The following PKHD1L1 variants were observed in gnomAD, a reference collection of about 807,000 sequenced individuals.
The protein encoded by PKHD1L1 is fibrocystin-L.
PKHD1L1 carries 434 observed loss-of-function variants against 462.9 expected under a neutral mutation model. That is an observed-to-expected ratio of 0.94 (90% CI 0.87 to 1.02). The LOEUF (loss-of-function observed/expected upper bound fraction) is 1.02. Ranked by LOEUF, PKHD1L1 falls within the 50% of genes least tolerant of loss-of-function variation. PKHD1L1 has a pLI of 0.00. For synonymous variants in PKHD1L1, 1,781 were observed against 1,750.0 expected (o/e 1.02, Z -0.44); for missense variants, 5,202 against 5,096.1 (o/e 1.02, Z -0.63).
intron 9 of PKHD1L1, among the ~76,000 whole-genome samples, chr8:109,394,163 ACT>A (rs1302587755): frequency 2.5e-5 from 3 of 120,530 alleles, no homozygotes; most frequent in African/African-American, 3.6e-5. Context: ...ACAGAGCGAG[ACT>A]CTGTCAAAAA....
At chr8:109,370,758 GT>G (rs1811463311) in intron 2 of PKHD1L1, among the ~76,000 whole-genome samples, 1 of 152,122 alleles carries the variant, frequency 6.6e-6, no homozygotes, top group Non-Finnish European at 1.5e-5. Flanking sequence ...AACATGTGGT[GT>G]TTGGTTTTTT....
Position 109,522,790 on chromosome 8 carries a change from T to C in PKHD1L1, c.12230T>C (p.Val4077Ala), listed in dbSNP as rs772790519. The part of the protein sequence containing the change: ...VERSAFPVHH[V>A]AFVSSLLVIT... ...AGGTCTGCATTTCCTGTTCATCACG[T>C]GGCCTTCGTGTCCTCACTCTTAGTG... Residue 4077 changes from valine to alanine, a missense_variant, in exon 75 of 78, where the codon GTG (valine) becomes GCG (alanine). Physicochemically the swap from Val to Ala is moderately conservative, Grantham distance 64. This residue lies in a region of PKHD1L1 where 698 missense variants were observed against 736.3 expected (regional missense o/e 0.95). Coordinates refer to ENST00000378402, the MANE Select transcript of PKHD1L1 (RefSeq NM_177531.6). The C allele has an allele frequency of 1.9e-6, 3 of 1,612,310 alleles. No individual in the cohort carries two copies.
rs1812174819 is a variant in PKHD1L1 at position 109,382,474 on chromosome 8, A to G, written c.320A>G (p.Glu107Gly). 1.2e-6 allele frequency: 2 copies of G among 1,605,214 alleles called. No homozygotes were observed. Among genetic ancestry groups the G allele is most frequent in the African/African-American group, 1.3e-5 (1 of 74,390 alleles). ...CATTTTCTTTATAGAGCAATGCCGG[A>G]AGATTCCTACACTGTTAGAGTCAGT... is the stretch of plus-strand genomic sequence containing the variant. ...QITCYTRAMPEDSYTVRVSVD... is the reference protein window; with the variant it reads ...QITCYTRAMPGDSYTVRVSVD... The change falls in exon 4 of 78, where the codon GAA becomes GGA. Residue 107 changes from glutamate (E) to glycine (G), a missense_variant. Physicochemically the swap from Glu to Gly is moderately conservative, Grantham distance 98. Around this residue, in one of 3 missense-constraint regions of PKHD1L1, gnomAD observed 4,497 missense variants for 4,336.8 expected, o/e 1.04. Transcript: ENST00000378402.
At chr8:109,499,892 A>G (rs867464330) in intron 67 of PKHD1L1, among the ~76,000 whole-genome samples, 4 of 152,144 alleles carry the variant, frequency 2.6e-5, no homozygotes, top group African/African-American at 7.2e-5. Context: ...ATTGCCACGG[A>G]GTTGATCCCA....
rs1357281506 is a variant in PKHD1L1, at chr8:109,526,780, C to A, written c.12485-4C>A. ...TCAAACACTATGATGCTTTTTTTTT[C>A]CAGGAAAAAATTATAAGATTGAATT... On this transcript the variant is annotated splice_region_variant and splice_polypyrimidine_tract_variant and intron_variant, in intron 76 of 77. Transcript: ENST00000378402. 6.6e-7 allele frequency: 1 copy of A among 1,521,884 alleles called. No individual in the cohort carries two copies. The highest frequency in any genetic ancestry group is 2.3e-5 in the Admixed American group (1 of 44,400). The allele number at this position is 1,521,884 out of a possible 1,614,324, so 94.3% of individuals were successfully genotyped here.
chr8:109,452,373 C>T, intron 42 of PKHD1L1, 93 bp downstream of exon 42: 1 of 1,180,302 alleles, frequency 8.5e-7, no homozygotes, highest in Non-Finnish European at 1.1e-6. Flanking sequence ...ACTTTAATGT[C>T]TCCAAAAAAA....
At chr8:109,444,560 C>A in intron 37 of PKHD1L1, 101 bp from the exon 38 acceptor site, 1 of 1,083,810 alleles carries the variant, frequency 9.2e-7, no homozygotes, top group Non-Finnish European at 1.3e-6. Flanking sequence ...TTTATTTGCA[C>A]ATGATTAACT....
chr8:109,410,729 T>C (rs1405280126), intron 19 of PKHD1L1, among the ~76,000 whole-genome samples: 2 of 58,912 alleles, frequency 3.4e-5, no homozygotes, highest in Non-Finnish European at 3.5e-5. Context: ...TCTTTTTCTT[T>C]TTTTTTTTTT....
chr8:109,404,771 A>G, intron 15 of PKHD1L1, 58 bp downstream of exon 15: 8 of 1,449,156 alleles, frequency 5.5e-6, no homozygotes, highest in Middle Eastern at 1.8e-4. Flanking sequence ...CAGGATCTCA[A>G]TTTGATTATT....
chr8:109,503,999 T>C (rs546065040), intron 67 of PKHD1L1, among the ~76,000 whole-genome samples: 27 of 152,304 alleles, frequency 1.8e-4, no homozygotes, highest in South Asian at 1.2e-3. Flanking sequence ...AGTCACAGAA[T>C]TCCCTGGAAC....
chr8:109,464,244 T>G lies in PKHD1L1; in HGVS notation c.7412T>G (p.Leu2471Trp), dbSNP rs1413517710. 1.2e-6 allele frequency: 2 copies of G among 1,602,834 alleles called. No homozygotes were observed. The highest frequency in any genetic ancestry group is 1.7e-6 in the Non-Finnish European group (2 of 1,171,254). ...TTCCATGCTGGCCAGGCTTTCCGGT[T>G]GGGGCGATATCCAATACATTGGCAC... The part of the protein sequence containing the change: ...EVFHAGQAFR[L>W]GRYPIHWHLL... The change falls in exon 49 of 78, where the codon TTG becomes TGG. Residue 2471 changes from leucine (L) to tryptophan (W), a missense_variant. Physicochemically the swap from Leu to Trp is moderately conservative, Grantham distance 61. This residue lies in a region of PKHD1L1 where 4,497 missense variants were observed against 4,336.8 expected (regional missense o/e 1.04). Coordinates refer to ENST00000378402, the MANE Select transcript of PKHD1L1 (RefSeq NM_177531.6).
Position 109,510,169 on chromosome 8 carries a change from A to G in PKHD1L1, c.11396-608A>G, listed in dbSNP as rs115453366. ...AAATTAAAATGGAGGAAGATTAATT[A>G]CTTGATTAGACGAATGTGTTTGTTG... is the stretch of plus-strand genomic sequence containing the variant. On this transcript the variant is annotated intron_variant, in intron 70 of 77. Transcript: ENST00000378402. 7.4e-3 allele frequency among the ~76,000 whole-genome samples: 1,121 copies of G among 152,258 alleles called. 12 individuals are homozygous for G. The highest frequency in any genetic ancestry group is 0.025 in the African/African-American group (1,038 of 41,564).
At chr8:109,506,214 G>A (rs1158679399) in intron 68 of PKHD1L1, among the ~76,000 whole-genome samples, 2 of 152,096 alleles carry the variant, frequency 1.3e-5, no homozygotes, top group African/African-American at 2.4e-5. Context: ...ATCTTTAGGG[G>A]CAGTGTACCC....
intron 21 of PKHD1L1, among the ~76,000 whole-genome samples, chr8:109,417,983 C>G (rs2130633338): frequency 6.6e-6 from 1 of 152,304 alleles, no homozygotes; most frequent in East Asian, 1.9e-4. Flanking sequence ...CAAAATTGTT[C>G]TACAACCTTC....
At chr8:109,438,283 T>C (rs1402242098) in intron 30 of PKHD1L1, 41 bp from the exon 31 acceptor site, 1 of 1,366,826 alleles carries the variant, frequency 7.3e-7, no homozygotes, top group Non-Finnish European at 9.9e-7. Context: ...TTTCTGTATC[T>C]CAACAATTAA....
At chr8:109,508,359 T>G in intron 70 of PKHD1L1, 95 bp downstream of exon 70, 1 of 1,297,136 alleles carries the variant, frequency 7.7e-7, no homozygotes, top group Non-Finnish European at 1.1e-6. Flanking sequence ...CCCACACAAC[T>G]AGCAAACATC....
intron 39 of PKHD1L1, 62 bp downstream of exon 39, chr8:109,448,453 CT>C (rs1816287561): frequency 7.0e-7 from 1 of 1,421,742 alleles, no homozygotes; most frequent in African/African-American, 1.5e-5. Flanking sequence ...ATTTAGAAAC[CT>C]TATTTAGAAA....
chr8:109,520,619 A>ATCACC (rs1224227500), intron 73 of PKHD1L1, among the ~76,000 whole-genome samples: 2 of 152,132 alleles, frequency 1.3e-5, no homozygotes, highest in Admixed American at 6.6e-5. Context: ...GAACCCTACA[A>ATCACC]CTTGGTGAAT....
chr8:109,448,240 C>T lies in PKHD1L1; in HGVS notation c.5874C>T (p.Thr1958=). The T allele has an allele frequency of 6.2e-7, 1 of 1,613,260 alleles. No homozygotes were observed. Residue 1958 remains threonine, a synonymous_variant, in exon 39 of 78, where the codon ACC becomes ACT. Transcript: ENST00000378402. ...TAAATAACATTCAGTGTAATGTAAC[C>T]ATGGCCAATGATAGTGTGGTGCAGT... ...VMINNIQCNV[T]MANDSVVQCI...
Sources: allele counts gnomAD v4.1 joint callset (sites outside exome capture counted in the v4.1 genomes callset), GRCh38; gene constraint gnomAD v4.1.1; regional missense constraint gnomAD v4.1.1; transcripts MANE v1.5; gene names NCBI Gene and HGNC (gene_info 2026-07-23, HGNC 2026-07-21).